ATP13A5: variants seen among roughly 807,000 people sequenced by gnomAD.
ATP13A5 encodes the protein ATPase 13A5, also known as probable cation-transporting ATPase 13A5.
A neutral mutation model predicts 150.2 loss-of-function variants in ATP13A5; 149 were observed. The observed-to-expected ratio is 0.99, with a 90% CI of 0.87 to 1.14. The LOEUF is 1.14. Ranked by LOEUF, ATP13A5 falls within the 50% of genes most tolerant of loss-of-function variation. ATP13A5 has a pLI of 0.00. For synonymous variants in ATP13A5, 497 were observed against 522.2 expected, an observed-to-expected ratio of 0.95 and a Z score of 0.66; for missense variants, 1,383 against 1,449.3, an observed-to-expected ratio of 0.95 and a Z score of 0.74.
At chr3:193,307,470 T>C (rs1718663134) in intron 21 of ATP13A5, 101 bp from the exon 22 acceptor site, 3 of 1,406,762 alleles carry the variant, frequency 2.1e-6, no homozygotes, top group Non-Finnish European at 2.0e-6. Flanking sequence ...TGTGTGTATG[T>C]GTGTGTCCCC....
At chr3:193,362,110 A>G (rs531164351) in intron 5 of ATP13A5, among the ~76,000 whole-genome samples, 1 of 152,206 alleles carries the variant, frequency 6.6e-6, no homozygotes, top group Non-Finnish European at 1.5e-5. Flanking sequence ...TTTTTTTAAG[A>G]AAGGAAAAAT....
intron 3 of ATP13A5, 103 bp from the exon 4 acceptor site, chr3:193,362,740 A>T (rs1436285777): frequency 2.5e-6 from 2 of 808,898 alleles, no homozygotes; most frequent in African/African-American, 1.9e-5. Flanking sequence ...TGTGGGTCTC[A>T]CTTGCTTTCC....
At chr3:193,313,519 G>C (rs1413109366) in intron 19 of ATP13A5, 2 of 152,328 alleles carry the variant, frequency 1.3e-5, no homozygotes, top group Non-Finnish European at 2.9e-5. Flanking sequence ...CCCAGCCTCT[G>C]TTAGCTTCAT....
At position 193,301,317 on chromosome 3, in the gene ATP13A5, A is replaced by G; in HGVS notation, c.2679-10T>C. 1 of 1,596,612 alleles carries G rather than the reference A, an allele frequency of 6.3e-7. No homozygotes were observed. Among genetic ancestry groups the G allele is most frequent in the African/African-American group, 1.4e-5 (1 of 73,914 alleles). On this transcript the variant is annotated splice_polypyrimidine_tract_variant and intron_variant, in intron 23 of 29. Coordinates refer to ENST00000342358, the MANE Select transcript of ATP13A5 (RefSeq NM_198505.4). ...AGCAGCTCGGCCTTCTCTGTTTAAA[A>G]AGAAATAAAAATAAAAATTGGTTAT...
chr3:193,316,366 A>G (rs1428750599), intron 17 of ATP13A5, among the ~76,000 whole-genome samples: 1 of 152,086 alleles, frequency 6.6e-6, no homozygotes, highest in Non-Finnish European at 1.5e-5. Context: ...CTGGTGATCC[A>G]ATGTTTTAAA....
intron 12 of ATP13A5, among the ~76,000 whole-genome samples, chr3:193,329,859 A>C (rs992647554): frequency 2.0e-5 from 3 of 152,146 alleles, no homozygotes; most frequent in African/African-American, 7.2e-5. Context: ...CTCTTTCTTC[A>C]GTCTTGTCTC....
chr3:193,341,225 TA>T (rs1300928047), intron 9 of ATP13A5, among the ~76,000 whole-genome samples: 1 of 146,576 alleles, frequency 6.8e-6, no homozygotes, highest in Non-Finnish European at 1.5e-5. Context: ...TGAGAGAAGC[TA>T]GATCTTGAAG....
At chr3:193,351,310 A>G (rs1390887345) in intron 6 of ATP13A5, 109 bp from the exon 7 acceptor site, 8 of 1,255,818 alleles carry the variant, frequency 6.4e-6, no homozygotes, top group African/African-American at 1.5e-5. Flanking sequence ...ACATACACAA[A>G]CCTCTAATAT....
chr3:193,285,555 A>T (rs868156195), intron 26 of ATP13A5, among the ~76,000 whole-genome samples: 2 of 152,170 alleles, frequency 1.3e-5, no homozygotes, highest in Non-Finnish European at 2.9e-5. Flanking sequence ...TCTGCTGCTT[A>T]TAAGGGGTCT....
At chr3:193,350,406 G>C (rs1369828960) in intron 7 of ATP13A5, among the ~76,000 whole-genome samples, 1 of 151,986 alleles carries the variant, frequency 6.6e-6, no homozygotes, top group East Asian at 1.9e-4. Flanking sequence ...TCTAACCCTG[G>C]ATATTTTGAT....
chr3:193,289,740 G>T, intron 26 of ATP13A5, 145 bp downstream of exon 26: 18 of 642,934 alleles, frequency 2.8e-5, no homozygotes, highest in East Asian at 3.4e-5. Context: ...TGGATTAACT[G>T]TGTTCTGTCC....
intron 14 of ATP13A5, 24 bp downstream of exon 14, chr3:193,324,840 C>G: frequency 6.2e-7 from 1 of 1,603,890 alleles, no homozygotes; most frequent in South Asian, 1.1e-5. Flanking sequence ...AGATTCTCAT[C>G]TTTCCATTAA....
At chr3:193,300,147 A>G (rs189198101) in intron 24 of ATP13A5, among the ~76,000 whole-genome samples, 28 of 152,212 alleles carry the variant, frequency 1.8e-4, no homozygotes, top group African/African-American at 6.3e-4. Context: ...TCAACCTCCA[A>G]TTCTTCCTGT....
chr3:193,292,604 C>T (rs1053532921), intron 25 of ATP13A5, among the ~76,000 whole-genome samples: 27 of 152,154 alleles, frequency 1.8e-4, no homozygotes, highest in Admixed American at 1.6e-3. Flanking sequence ...CAAATCTGTC[C>T]GTTCAACCTG....
intron 26 of ATP13A5, among the ~76,000 whole-genome samples, chr3:193,288,558 T>A (rs1717817613): frequency 6.7e-6 from 1 of 149,610 alleles, no homozygotes; most frequent in Non-Finnish European, 1.5e-5. Context: ...TTTTTAGACA[T>A]AATGCTATTG....
rs778615820 is a variant in ATP13A5, at chr3:193,324,956, C to T, written c.1582G>A (p.Ala528Thr). The change falls in exon 14 of 30, where the codon GCG becomes ACG. Residue 528 changes from alanine (A) to threonine (T), a missense_variant. Physicochemically the swap from Ala to Thr is moderately conservative, Grantham distance 58. Coordinates refer to ENST00000342358, the MANE Select transcript of ATP13A5 (RefSeq NM_198505.4). The stretch of plus-strand genomic sequence containing the variant: ...AGAGAGTGGCAGCTGGCCATGGCCG[C>T]ACACAGTGGGCTCCATGGCACAGCC... Reference protein sequence around the residue: ...GQAVPWSPLCAAMASCHSLIL... With the variant: ...GQAVPWSPLCTAMASCHSLIL... 8.7e-6 allele frequency: 14 copies of T among 1,613,940 alleles called. No homozygotes were observed. The East Asian group carries it at 3.1e-4, about 36-fold the overall frequency.
chr3:193,327,350 G>C (rs1353165032), intron 12 of ATP13A5, among the ~76,000 whole-genome samples: 1 of 152,176 alleles, frequency 6.6e-6, no homozygotes, highest in Non-Finnish European at 1.5e-5. Context: ...GACCGTTGCT[G>C]TTGTTAACCA....
intron 11 of ATP13A5, 133 bp downstream of exon 11, chr3:193,333,617 T>C (rs1711726815): frequency 1.6e-5 from 14 of 902,748 alleles, no homozygotes; most frequent in Non-Finnish European, 2.2e-5. Flanking sequence ...ATTTCCGCTG[T>C]CTAAGAAGCT....
At position 193,310,727 on chromosome 3, in the gene ATP13A5, A is replaced by G. The variant is rs73074731; in HGVS notation, c.2446-10T>C. On this transcript the variant is annotated splice_polypyrimidine_tract_variant and intron_variant, in intron 20 of 29. Transcript: ENST00000342358. ...TTCCATTCACCAGAATCTAAAAAGAAAAAACAACCATTGCAATATGATTGG... is the reference window on the plus strand; with the variant it reads ...TTCCATTCACCAGAATCTAAAAAGAGAAAACAACCATTGCAATATGATTGG... 8.5e-3 allele frequency: 13,561 copies of G among 1,593,286 alleles called. 690 individuals carry two copies. In the African/African-American group the frequency reaches 0.13, roughly 16 times the overall value.
Sources: gnomAD v4.1 joint callset for allele counts (sites outside exome capture counted in the v4.1 genomes callset) on GRCh38, gnomAD v4.1.1 for gene constraint, MANE v1.5 for transcripts, NCBI Gene and HGNC (gene_info 2026-07-23, HGNC 2026-07-21) for gene names.